GULP1: variants seen among roughly 807,000 people sequenced by gnomAD.
The protein encoded by GULP1 is GULP PTB domain containing engulfment adaptor 1.
Under a neutral mutation model 40.9 loss-of-function variants are expected in GULP1, and 19 were observed. The ratio of observed to expected loss-of-function variants is 0.46; its 90% CI spans 0.32 to 0.68. GULP1 has a LOEUF of 0.68. Among genes scored for constraint, GULP1 ranks in the 30% least tolerant of loss-of-function variants. The pLI is 0.03. For missense variants in GULP1, 312 were observed against 362.2 expected (o/e 0.86, Z 1.12); for synonymous variants, 119 against 117.6 (o/e 1.01, Z -0.08).
intron 1 of GULP1, among the ~76,000 whole-genome samples, chr2:188,371,700 G>A (rs910824585): frequency 6.6e-6 from 1 of 151,998 alleles, no homozygotes; most frequent in Non-Finnish European, 1.5e-5. Flanking sequence ...ATTAAGTTAA[G>A]CAAGCATTTA....
Position 188,321,825 on chromosome 2 carries a change from T to G in GULP1, c.-172+29659T>G, listed in dbSNP as rs759202951. Among the ~76,000 whole-genome samples the G allele has an allele frequency of 5.7e-4, 87 of 152,086 alleles. 1 individual carries two copies. Among genetic ancestry groups the G allele is most frequent in the Non-Finnish European group, 2.2e-4 (15 of 68,008 alleles). On this transcript the variant is annotated intron_variant, in intron 1 of 11. Coordinates refer to ENST00000409830, the MANE Select transcript of GULP1 (RefSeq NM_016315.4). ...TAAGGTCAGGAGTTTGAGACCAGCC[T>G]GACCAACATGGTGAAACACCAACTC...
At chr2:188,407,703 G>A (rs2053310279) in intron 2 of GULP1, among the ~76,000 whole-genome samples, 1 of 151,988 alleles carries the variant, frequency 6.6e-6, no homozygotes, top group African/African-American at 2.4e-5. Flanking sequence ...AATCTCAAAG[G>A]AAGACAGCAA....
At chr2:188,522,316 C>T (rs1046134478) in intron 4 of GULP1, among the ~76,000 whole-genome samples, 9 of 150,470 alleles carry the variant, frequency 6.0e-5, no homozygotes, top group African/African-American at 2.0e-4. Context: ...TGGGGAGAGA[C>T]GTGAGAAAAA....
chr2:188,562,236 T>C (rs1412670898), intron 7 of GULP1, among the ~76,000 whole-genome samples: 1 of 152,158 alleles, frequency 6.6e-6, no homozygotes, highest in East Asian at 1.9e-4. Context: ...AACAGCTCCA[T>C]ATTTTAGTTT....
At chr2:188,565,048 A>C (rs1215539865) in intron 7 of GULP1, among the ~76,000 whole-genome samples, 107 of 151,964 alleles carry the variant, frequency 7.0e-4, no homozygotes. Flanking sequence ...AAACTATTTG[A>C]GGTGGATCAT....
In GULP1 at chr2:188,575,707, CAG is replaced by C. The variant is rs1700037144; in HGVS notation, c.609+5590_609+5591del. Among the ~76,000 whole-genome samples, 3 of 152,112 alleles carry C rather than the reference CAG, an allele frequency of 2.0e-5. No individual in the cohort carries two copies. The East Asian group carries it at 5.8e-4, about 29-fold the overall frequency. On this transcript the variant is annotated intron_variant, in intron 9 of 11. Transcript: ENST00000409830. ...TTGGAAAAGACATTGAAGAGAAACT[CAG>C]AGTCTAGATTTGATAAGCCTTCACA...
chr2:188,387,908 T>G (rs1160799393), intron 2 of GULP1, among the ~76,000 whole-genome samples: 1 of 152,056 alleles, frequency 6.6e-6, no homozygotes, highest in Non-Finnish European at 1.5e-5. Flanking sequence ...ACTTTAAGTT[T>G]TAGGGTACAT....
chr2:188,337,116 A>ATATCTATATCTATATC (rs1365277292), intron 1 of GULP1, among the ~76,000 whole-genome samples: 2 of 151,252 alleles, frequency 1.3e-5, no homozygotes, highest in African/African-American at 4.9e-5. Flanking sequence ...ATCTATATCT[A>ATATCTATATCTATATC]TATCTATATC....
intron 1 of GULP1, among the ~76,000 whole-genome samples, chr2:188,364,431 T>A (rs7607063): frequency 0.2 from 30,679 of 152,016 alleles, 3,284 homozygotes; most frequent in African/African-American, 0.26. Flanking sequence ...TTCGCATCTG[T>A]GTAGTAATAA....
At chr2:188,370,016 T>C (rs2047393734) in intron 1 of GULP1, among the ~76,000 whole-genome samples, 1 of 152,088 alleles carries the variant, frequency 6.6e-6, no homozygotes, top group Admixed American at 6.6e-5. Context: ...TTAATTTGTT[T>C]TGTATTTTTT....
At chr2:188,563,592 A>G (rs978801121) in intron 7 of GULP1, among the ~76,000 whole-genome samples, 2 of 151,192 alleles carry the variant, frequency 1.3e-5, no homozygotes, top group Non-Finnish European at 3.0e-5. Context: ...TCGGAACTAA[A>G]TATTTGGCCC....
chr2:188,493,541 T>C (rs1243647486), intron 4 of GULP1, among the ~76,000 whole-genome samples: 1 of 152,066 alleles, frequency 6.6e-6, no homozygotes, highest in Non-Finnish European at 1.5e-5. Context: ...TTGATGACTT[T>C]CCTGCCTAAA....
At chr2:188,533,075 T>C (rs563915716) in intron 6 of GULP1, among the ~76,000 whole-genome samples, 4 of 152,246 alleles carry the variant, frequency 2.6e-5, no homozygotes, top group East Asian at 1.9e-4. Flanking sequence ...CAATAACTTA[T>C]GATTTATTAG....
intron 1 of GULP1, among the ~76,000 whole-genome samples, chr2:188,327,905 T>G (rs777411797): frequency 1.3e-5 from 2 of 152,152 alleles, no homozygotes; most frequent in Admixed American, 1.3e-4. Flanking sequence ...AATGAAGTTA[T>G]TTCTGCTGTT....
chr2:188,334,997 C>T (rs998797031), intron 1 of GULP1, among the ~76,000 whole-genome samples: 1 of 152,028 alleles, frequency 6.6e-6, no homozygotes, highest in African/African-American at 2.4e-5. Context: ...GCACTTCAGG[C>T]ACAGAGAAAG....
At chr2:188,464,918 C>T (rs1270320140) in intron 2 of GULP1, among the ~76,000 whole-genome samples, 1 of 152,086 alleles carries the variant, frequency 6.6e-6, no homozygotes, top group Non-Finnish European at 1.5e-5. Context: ...GGCTTCCTCT[C>T]TTCCCCAGAG....
intron 2 of GULP1, among the ~76,000 whole-genome samples, chr2:188,412,289 C>G (rs945674563): frequency 6.6e-6 from 1 of 152,000 alleles, no homozygotes; most frequent in Non-Finnish European, 1.5e-5. Flanking sequence ...AAAGGTTAAC[C>G]GCCCCCATGA....
intron 2 of GULP1, among the ~76,000 whole-genome samples, chr2:188,452,890 T>C (rs2058946196): frequency 6.6e-6 from 1 of 152,212 alleles, no homozygotes; most frequent in Non-Finnish European, 1.5e-5. Context: ...CAACATTAAG[T>C]AGTAAATAAC....
At chr2:188,316,497 G>T (rs2039094692) in intron 1 of GULP1, among the ~76,000 whole-genome samples, 1 of 152,050 alleles carries the variant, frequency 6.6e-6, no homozygotes, top group African/African-American at 2.4e-5. Context: ...GTAATTACTT[G>T]GGAAGTCCCA....
Sources: allele counts gnomAD v4.1 joint callset (sites outside exome capture counted in the v4.1 genomes callset), GRCh38; gene constraint gnomAD v4.1.1; transcripts MANE v1.5; gene names NCBI Gene and HGNC (gene_info 2026-07-23, HGNC 2026-07-21).